The following FAM107A variants were observed in gnomAD, a reference collection of about 807,000 sequenced individuals.
FAM107A encodes the protein actin-associated protein FAM107A.
A neutral mutation model predicts 13.7 loss-of-function variants in FAM107A; 19 were observed. The ratio of observed to expected loss-of-function variants is 1.38; its 90% CI spans 0.97 to 2.03. The LOEUF is 2.03. Among genes scored for constraint, FAM107A ranks in the 30% most tolerant of loss-of-function variants. The pLI is 0.00. For missense variants in FAM107A, 203 were observed against 184.4 expected (o/e 1.10, Z -0.58); for synonymous variants, 82 against 74.5 (o/e 1.10, Z -0.52).
At chr3:58,615,729 C>G (rs1472665538) in intron 1 of FAM107A, among the ~76,000 whole-genome samples, 1 of 151,732 alleles carries the variant, frequency 6.6e-6, no homozygotes, top group African/African-American at 2.4e-5. Flanking sequence ...GACACTGTCT[C>G]TACAAAAATT....
At chr3:58,591,764 T>C (rs2065656394), upstream of FAM107A, among the ~76,000 whole-genome samples, 1 of 152,210 alleles carries the variant, frequency 6.6e-6, no homozygotes, top group Non-Finnish European at 1.5e-5. This position sits in a 1 kb window ranked among gnomAD's most constrained non-coding sequence, Gnocchi z 4.3. Context: ...TCAGCCCTGC[T>C]TCCTTCACCA....
chr3:58,583,781 A>G (rs970472402), intron 1 of FAM107A, among the ~76,000 whole-genome samples: 2 of 151,944 alleles, frequency 1.3e-5, no homozygotes, highest in African/African-American at 4.8e-5. Flanking sequence ...TCTGGGCTCA[A>G]GTGATCCTCC....
At chr3:58,572,086 C>T (rs1239732017) in intron 1 of FAM107A, among the ~76,000 whole-genome samples, 2 of 152,072 alleles carry the variant, frequency 1.3e-5, no homozygotes, top group East Asian at 1.9e-4. Flanking sequence ...AAGAATGTGG[C>T]CAGATACAAA....
intron 1 of FAM107A, among the ~76,000 whole-genome samples, chr3:58,623,273 C>T (rs1184234481): frequency 6.6e-6 from 1 of 152,182 alleles, no homozygotes; most frequent in African/African-American, 2.4e-5. Context: ...AAGGTGAATG[C>T]AAAGCGATGA....
chr3:58,583,340 T>C (rs1260501244), intron 1 of FAM107A, among the ~76,000 whole-genome samples: 3 of 152,162 alleles, frequency 2.0e-5, no homozygotes, highest in African/African-American at 7.2e-5. Flanking sequence ...GAAATTATTT[T>C]AGCCGGGTGC....
chr3:58,621,209 G>A (rs1392592371), intron 1 of FAM107A, among the ~76,000 whole-genome samples: 1 of 152,164 alleles, frequency 6.6e-6, no homozygotes. Flanking sequence ...TAGCGCTTGG[G>A]AAACCATGCT....
upstream of FAM107A, among the ~76,000 whole-genome samples, chr3:58,580,461 G>T (rs2065521765): frequency 1.4e-5 from 2 of 145,568 alleles, no homozygotes; most frequent in Admixed American, 1.4e-4. Flanking sequence ...TGTTACCTAG[G>T]CTGAATGCAG....
intron 1 of FAM107A, among the ~76,000 whole-genome samples, chr3:58,600,221 A>G (rs897312710): frequency 2.6e-5 from 4 of 152,160 alleles, no homozygotes; most frequent in African/African-American, 9.7e-5. Context: ...CATCTACTAT[A>G]TAGATGCTCT....
At chr3:58,567,396 C>T (rs368040715) in intron 2 of FAM107A, 32 bp from the exon 3 acceptor site, 13 of 1,587,492 alleles carry the variant, frequency 8.2e-6, no homozygotes, top group Non-Finnish European at 1.1e-5. Flanking sequence ...TGTCAGGAGA[C>T]CATCACCTTC....
chr3:58,593,827 A>G (rs568131124), intron 1 of FAM107A, among the ~76,000 whole-genome samples: 4 of 152,162 alleles, frequency 2.6e-5, no homozygotes, highest in African/African-American at 9.6e-5. Context: ...ACCTCCTTTA[A>G]TAGCCCTCAT....
At chr3:58,594,342 A>C (rs1420754687) in intron 1 of FAM107A, among the ~76,000 whole-genome samples, 3 of 152,142 alleles carry the variant, frequency 2.0e-5, no homozygotes, top group African/African-American at 7.2e-5. Context: ...AATAGCAGTG[A>C]AAGATTGCTT....
At position 58,623,068 on chromosome 3, in the gene FAM107A, C is replaced by T. The variant is rs374996245; in HGVS notation, c.-70+4348G>A. Among the ~76,000 whole-genome samples, 225 of 152,286 alleles carry T rather than the reference C, an allele frequency of 1.5e-3. 2 individuals carry two copies. Among genetic ancestry groups the T allele is most frequent in the African/African-American group, 5.1e-3 (214 of 41,558 alleles). Reference sequence around the variant, plus strand: ...AGCTGGAATCCTCTGCTGGGCTTGGCGGCCCTGAGCACCAGGCAGGCCCAT... The same window carrying T: ...AGCTGGAATCCTCTGCTGGGCTTGGTGGCCCTGAGCACCAGGCAGGCCCAT... On this transcript the variant is annotated intron_variant, in intron 1 of 3. Coordinates refer to the FAM107A transcript ENST00000465970.
upstream of FAM107A, among the ~76,000 whole-genome samples, chr3:58,580,152 A>G (rs946625115): frequency 6.6e-6 from 1 of 152,102 alleles, no homozygotes; most frequent in Non-Finnish European, 1.5e-5. Context: ...GCCAATAAAC[A>G]TGTCTATGTA....
At chr3:58,571,900 G>A (rs957189971) in intron 1 of FAM107A, among the ~76,000 whole-genome samples, 1 of 152,114 alleles carries the variant, frequency 6.6e-6, no homozygotes, top group Non-Finnish European at 1.5e-5. Context: ...CTTTTCATCA[G>A]CCACACCATC....
intron 1 of FAM107A, chr3:58,586,809 G>A (rs1230492248): frequency 1.3e-6 from 2 of 1,501,962 alleles, no homozygotes; most frequent in Non-Finnish European, 1.8e-6. Context: ...GCACCACAGA[G>A]CCCTCCTCGC....
rs1405483092 is a variant in FAM107A at position 58,569,902 on chromosome 3, C to T, written c.-5-37G>A. The stretch of plus-strand genomic sequence containing the variant: ...GGCAGAGGAGTAGCTCAGAGCTGAG[C>T]CTATAATCTCACCCTGCCCCATGGG... On this transcript the variant is annotated intron_variant, in intron 1 of 3. Coordinates refer to ENST00000360997, the MANE Select transcript of FAM107A (RefSeq NM_001076778.3). This position sits in a 1 kb window ranked among gnomAD's most constrained non-coding sequence, Gnocchi z 5.7. The T allele has an allele frequency of 5.7e-6, 9 of 1,590,236 alleles. No individual in the cohort carries two copies. Among genetic ancestry groups the T allele is most frequent in the East Asian group, 2.3e-5 (1 of 44,374 alleles).
chr3:58,572,724 C>G (rs1248573038), intron 1 of FAM107A: 1 of 152,170 alleles, frequency 6.6e-6, no homozygotes, highest in East Asian at 1.9e-4. Context: ...TGGGTGGTCT[C>G]TGTCTCTTCT....
chr3:58,583,430 C>T (rs1290521073), intron 1 of FAM107A, among the ~76,000 whole-genome samples: 1 of 152,140 alleles, frequency 6.6e-6, no homozygotes, highest in African/African-American at 2.4e-5. Flanking sequence ...CGAGACCAGC[C>T]TGACCAACAT....
chr3:58,581,992 G>C (rs2065551240), upstream of FAM107A, among the ~76,000 whole-genome samples: 3 of 152,312 alleles, frequency 2.0e-5, no homozygotes, highest in South Asian at 6.2e-4. Context: ...GTGAGAGGGA[G>C]CATGTGTGTG....
Sources: gnomAD v4.1 joint callset for allele counts (sites outside exome capture counted in the v4.1 genomes callset) on GRCh38, gnomAD v4.1.1 for gene constraint, Gnocchi (gnomAD v3.1) non-coding constraint, MANE v1.5 for transcripts, NCBI Gene and HGNC (gene_info 2026-07-23, HGNC 2026-07-21) for gene names.